FLNB: variants seen among roughly 807,000 people sequenced by gnomAD.
FLNB encodes filamin B.
Under a neutral mutation model 250.6 loss-of-function variants are expected in FLNB, and 111 were observed. That is an observed-to-expected ratio of 0.44 (90% confidence interval 0.38 to 0.52). The LOEUF is 0.52. Among genes scored for constraint, FLNB ranks in the 20% least tolerant of loss-of-function variants. FLNB has a pLI of 0.00. For missense variants in FLNB, 2,869 were observed against 3,447.8 expected, an observed-to-expected ratio of 0.83 and a Z score of 4.20; for synonymous variants, 1,302 against 1,372.1, an observed-to-expected ratio of 0.95 and a Z score of 1.13.
chr3:58,015,274 A>C (rs1041373133), intron 1 of FLNB, among the ~76,000 whole-genome samples: 7 of 152,344 alleles, frequency 4.6e-5, no homozygotes, highest in African/African-American at 1.4e-4. Flanking sequence ...GTTAAGTTAT[A>C]GCACAGTGTT....
At chr3:58,163,785 C>T (rs942129319) in intron 43 of FLNB, 1 of 168,026 alleles carries the variant, frequency 6.0e-6, no homozygotes, top group Non-Finnish European at 1.3e-5. Context: ...CTATCTCCTC[C>T]TCTTTTTACT....
intron 1 of FLNB, among the ~76,000 whole-genome samples, chr3:58,029,761 C>A (rs1229738926): frequency 1.3e-5 from 2 of 152,082 alleles, no homozygotes; most frequent in East Asian, 3.9e-4. Context: ...CCCCCGACCT[C>A]CCCGGCCTCC....
intron 29 of FLNB, among the ~76,000 whole-genome samples, chr3:58,140,169 A>G (rs566528956): frequency 6.6e-6 from 1 of 152,260 alleles, no homozygotes; most frequent in Admixed American, 6.5e-5. Flanking sequence ...GCTTCCCTCT[A>G]TAAGTTTGAC....
At chr3:58,034,851 C>T (rs189113871) in intron 1 of FLNB, among the ~76,000 whole-genome samples, 3 of 152,244 alleles carry the variant, frequency 2.0e-5, no homozygotes, top group Admixed American at 6.5e-5. Flanking sequence ...AGCCACACCC[C>T]ACACCTCCCA....
At chr3:58,095,329 C>A (rs1050163674) in intron 5 of FLNB, among the ~76,000 whole-genome samples, 7 of 152,080 alleles carry the variant, frequency 4.6e-5, no homozygotes, top group Non-Finnish European at 7.4e-5. Context: ...CAACATTCAC[C>A]TACTGGGTTC....
intron 8 of FLNB, among the ~76,000 whole-genome samples, chr3:58,099,610 G>A (rs986392288): frequency 6.6e-6 from 1 of 151,988 alleles, no homozygotes; most frequent in Non-Finnish European, 1.5e-5. Flanking sequence ...GCCTTTCCCT[G>A]TTCTGTCCTC....
Position 58,077,368 on chromosome 3 carries a change from C to T in FLNB, c.541+74C>T, listed in dbSNP as rs963507247. The T allele has an allele frequency of 2.5e-5, 39 of 1,543,544 alleles. No homozygotes were observed. The African/African-American group carries it at 3.1e-4, about 12-fold the overall frequency. On this transcript the variant is annotated intron_variant, in intron 2 of 45. Transcript: ENST00000295956. ...GGGTCCCAAACATTCTGGTTTTCAA[C>T]GGGAATGCTATCTTTGCTTTGATTA...
intron 21 of FLNB, among the ~76,000 whole-genome samples, chr3:58,124,127 G>A (rs2097293722): frequency 6.6e-6 from 1 of 152,180 alleles, no homozygotes; most frequent in African/African-American, 2.4e-5. Context: ...GAGCAGTCGT[G>A]TTGTCACTTA....
chr3:58,022,626 A>G (rs1311148218), intron 1 of FLNB, among the ~76,000 whole-genome samples: 1 of 152,232 alleles, frequency 6.6e-6, no homozygotes, highest in African/African-American at 2.4e-5. Flanking sequence ...ACTAATAGCT[A>G]TACAAAACAT....
chr3:58,107,853 T>C (rs1259222454), intron 12 of FLNB, among the ~76,000 whole-genome samples: 3 of 152,238 alleles, frequency 2.0e-5, no homozygotes, highest in Non-Finnish European at 4.4e-5. Flanking sequence ...TGATATTCCT[T>C]TGCCCTCTAG....
chr3:58,132,103 C>T (rs1406429474), intron 25 of FLNB: 5 of 881,592 alleles, frequency 5.7e-6, no homozygotes, highest in African/African-American at 3.3e-5. Context: ...ACACCTGCCT[C>T]ATCTGCTTTG....
rs770724869 is a variant in FLNB, at chr3:58,008,746, G to T, written c.182G>T (p.Arg61Leu). ...CTGCTCGAGGTGCTCAGCCAGAAGC[G>T]CATGTACCGCAAGTACCATCAGCGG... is the stretch of plus-strand genomic sequence containing the variant. ...IALLEVLSQKRMYRKYHQRPT... is the reference protein window; with the variant it reads ...IALLEVLSQKLMYRKYHQRPT... The change falls in exon 1 of 46, where the codon CGC becomes CTC. Residue 61 changes from arginine (R) to leucine (L), a missense_variant. Physicochemically the swap from Arg to Leu is moderately radical, Grantham distance 102 (BLOSUM62 -2). Transcript: ENST00000295956. 27 of 1,613,990 alleles carry T rather than the reference G, an allele frequency of 1.7e-5. No homozygotes were observed. Among genetic ancestry groups the T allele is most frequent in the South Asian group, 5.5e-5 (5 of 91,088 alleles).
chr3:58,020,363 C>T lies in FLNB; in HGVS notation c.292+11507C>T, dbSNP rs191913058. On this transcript the variant is annotated intron_variant, in intron 1 of 45. Coordinates refer to ENST00000295956, the MANE Select transcript of FLNB (RefSeq NM_001457.4). Reference sequence around the variant, plus strand: ...CTTCCAATCCAAGCAGGCAGCTTTCCGCTCATCTGCAGGTAGCCTCGTGCT... The same window carrying T: ...CTTCCAATCCAAGCAGGCAGCTTTCTGCTCATCTGCAGGTAGCCTCGTGCT... 1.5e-3 allele frequency among the ~76,000 whole-genome samples: 235 copies of T among 152,262 alleles called. 3 individuals are homozygous for T. The highest frequency in any genetic ancestry group is 0.014 in the South Asian group (69 of 4,824).
intron 18 of FLNB, 131 bp downstream of exon 18, chr3:58,112,449 C>T (rs1251667875): frequency 5.6e-6 from 5 of 895,926 alleles, no homozygotes; most frequent in Admixed American, 1.9e-5. Flanking sequence ...TGGGAGGCAG[C>T]TCCTGGCACT....
chr3:58,041,882 T>C (rs982152671), intron 1 of FLNB, among the ~76,000 whole-genome samples: 2 of 152,196 alleles, frequency 1.3e-5, no homozygotes, highest in East Asian at 3.8e-4. Flanking sequence ...AGAATTTAAC[T>C]GTCAAACAGC....
intron 6 of FLNB, among the ~76,000 whole-genome samples, chr3:58,096,537 C>G (rs2097238963): frequency 6.6e-6 from 1 of 152,072 alleles, no homozygotes; most frequent in African/African-American, 2.4e-5. Flanking sequence ...GAGACAGGGT[C>G]TTGCTCTGTC....
At position 58,124,465 on chromosome 3, in the gene FLNB, G is replaced by T. The variant is rs775184160; in HGVS notation, c.3858G>T (p.Ala1286=). 1 of 1,614,192 alleles carries T rather than the reference G, an allele frequency of 6.2e-7. No homozygotes were observed. Residue 1286 remains alanine (A), a synonymous_variant, in exon 22 of 46, where the codon GCG becomes GCT. Transcript: ENST00000295956. ...CCGAGTGCTTTGTCACAGACAATGC[G>T]GATGGGACCTACCAGGTGGAATACA... ...ASTECFVTDN[A]DGTYQVEYTP...
At chr3:58,034,310 G>A (rs2097135021) in intron 1 of FLNB, among the ~76,000 whole-genome samples, 2 of 152,138 alleles carry the variant, frequency 1.3e-5, no homozygotes, top group Admixed American at 1.3e-4. Context: ...TCCCAAAGTG[G>A]TTGTATTGTT....
At chr3:58,170,486 A>G in intron 45 of FLNB, 89 bp from the exon 46 acceptor site, 1 of 1,329,028 alleles carries the variant, frequency 7.5e-7, no homozygotes, top group Non-Finnish European at 1.1e-6. Context: ...ATTATCGTGG[A>G]AGCACCTTAC....
Sources: allele counts gnomAD v4.1 joint callset (sites outside exome capture counted in the v4.1 genomes callset), GRCh38; gene constraint gnomAD v4.1.1; transcripts MANE v1.5; gene names NCBI Gene and HGNC (gene_info 2026-07-23, HGNC 2026-07-21).